Variants in USP7 observed in about 807,000 individuals in gnomAD.
USP7 encodes ubiquitin C-terminal hydrolase 7.
A neutral mutation model predicts 162.9 loss-of-function variants in USP7; 9 were observed. That is an observed-to-expected ratio of 0.06 (90% confidence interval 0.03 to 0.10). USP7 has a LOEUF of 0.10. USP7 is among the 10% of genes least tolerant of loss of function. The pLI, the probability that USP7 is intolerant of heterozygous loss-of-function variation, is 1.00. For missense variants in USP7, 715 were observed against 1,373.7 expected (o/e 0.52, Z 7.58); for synonymous variants, 562 against 475.9 (o/e 1.18, Z -2.35).
At chr16:8,947,753 G>A (rs1449753105) in intron 1 of USP7, among the ~76,000 whole-genome samples, 1 of 152,132 alleles carries the variant, frequency 6.6e-6, no homozygotes, top group Non-Finnish European at 1.5e-5. Context: ...ACTTCGACAG[G>A]ATCCTGCCAT....
chr16:8,938,536 C>A (rs1014138997), intron 1 of USP7, among the ~76,000 whole-genome samples: 10 of 151,892 alleles, frequency 6.6e-5, no homozygotes, highest in African/African-American at 2.2e-4. Flanking sequence ...CACGGTGAAA[C>A]GCCGTCTCTA....
At chr16:8,911,895 T>C (rs750796767) in intron 10 of USP7, among the ~76,000 whole-genome samples, 1 of 152,178 alleles carries the variant, frequency 6.6e-6, no homozygotes, top group Non-Finnish European at 1.5e-5. Context: ...CACGACAGGC[T>C]GGGAAGTCTG....
At chr16:8,898,708 G>C in intron 23 of USP7, 69 bp from the exon 24 acceptor site, 1 of 1,308,652 alleles carries the variant, frequency 7.6e-7, no homozygotes, top group Non-Finnish European at 1.0e-6. Flanking sequence ...CTGTGAGTGA[G>C]CATAAAAGCA....
chr16:8,940,805 A>G (rs1376374086), intron 1 of USP7, among the ~76,000 whole-genome samples: 2 of 152,180 alleles, frequency 1.3e-5, no homozygotes, highest in Non-Finnish European at 2.9e-5. Context: ...TTAGCCGGAC[A>G]TGGTGGCGCA....
At chr16:8,898,787 C>A (rs540159157) in intron 23 of USP7, 148 bp from the exon 24 acceptor site, 56 of 659,038 alleles carry the variant, frequency 8.5e-5, no homozygotes, top group Non-Finnish European at 1.2e-4. Context: ...ACTCCTGTTT[C>A]CCAAGAACTA....
In USP7 at chr16:8,908,632, CTTTG is replaced by C. The variant is rs202027586; in HGVS notation, c.1162-186_1162-183del. ...TTTCTTTAGGTCTGTTTATGGGTCT[CTTTG>C]TTTATTAAAATAATGCTGCACCAGC... On this transcript the variant is annotated intron_variant, in intron 11 of 30. Transcript: ENST00000344836. Among the ~76,000 whole-genome samples, 805 of 152,278 alleles carry C rather than the reference CTTTG, an allele frequency of 5.3e-3. 8 individuals carry two copies. The highest frequency in any genetic ancestry group is 0.018 in the African/African-American group (749 of 41,556).
chr16:8,908,301 T>C (rs770536551), intron 12 of USP7, 40 bp downstream of exon 12: 4 of 1,510,888 alleles, frequency 2.6e-6, no homozygotes, highest in East Asian at 2.3e-5. Flanking sequence ...TAGACCAGCA[T>C]GATGATGAAA....
chr16:8,925,469 T>C (rs1596384518), intron 2 of USP7, among the ~76,000 whole-genome samples: 1 of 152,212 alleles, frequency 6.6e-6, no homozygotes, highest in Non-Finnish European at 1.5e-5. Context: ...CTTTACAGGG[T>C]TTGATTTTAT....
In USP7 at chr16:8,897,310, G is replaced by A. The variant is rs148921696; in HGVS notation, c.2719-211C>T. On this transcript the variant is annotated intron_variant, in intron 25 of 30. Transcript: ENST00000344836. ...AATCTAGGACCAACCAAATACTGAC[G>A]GGAGGTTAACAAAAGTGGCCTTGAT... 7.9e-4 allele frequency: 408 copies of A among 517,600 alleles called. 1 individual carries two copies. Among genetic ancestry groups the A allele is most frequent in the Non-Finnish European group, 5.8e-4 (169 of 291,974 alleles). 32.1% of individuals were successfully genotyped at this position (517,600 alleles called of 1,614,324 possible).
chr16:8,907,235 G>T (rs1444775964), intron 12 of USP7, among the ~76,000 whole-genome samples: 1 of 152,192 alleles, frequency 6.6e-6, no homozygotes, highest in East Asian at 1.9e-4. Flanking sequence ...AAAAATGTCT[G>T]CCACTGGCTC....
intron 2 of USP7, among the ~76,000 whole-genome samples, chr16:8,926,929 C>A (rs1334442411): frequency 1.3e-5 from 2 of 152,220 alleles, no homozygotes; most frequent in Non-Finnish European, 2.9e-5. Context: ...GGGACAATTA[C>A]CTACAGCACG....
intron 15 of USP7, 144 bp downstream of exon 15, chr16:8,904,291 G>A: frequency 2.1e-6 from 3 of 1,422,576 alleles, no homozygotes; most frequent in Non-Finnish European, 2.8e-6. Context: ...AGTGGGGACT[G>A]ACCTGCACTT....
chr16:8,920,206 T>C (rs1163882658), intron 5 of USP7, among the ~76,000 whole-genome samples, 153 bp downstream of exon 5: 1 of 152,172 alleles, frequency 6.6e-6, no homozygotes, highest in Admixed American at 6.5e-5. Flanking sequence ...GTTAAACGAG[T>C]GTCAAGCAGG....
rs2061642906 is a variant in USP7 at position 8,893,946 on chromosome 16, G to A, written c.*52C>T. 1 of 1,553,926 alleles carries A rather than the reference G, an allele frequency of 6.4e-7. No homozygotes were observed. The highest frequency in any genetic ancestry group is 8.9e-7 in the Non-Finnish European group (1 of 1,125,110). The stretch of plus-strand genomic sequence containing the variant: ...GGCACGTGCACCAAAGTTCTAGGCT[G>A]TTAAGGGGCCACCCACACACCGTCC... On this transcript the variant is annotated 3_prime_UTR_variant, in exon 31 of 31. Transcript: ENST00000344836.
chr16:8,950,813 C>T (rs2141261262), intron 1 of USP7, among the ~76,000 whole-genome samples: 1 of 152,338 alleles, frequency 6.6e-6, no homozygotes, highest in South Asian at 2.1e-4. Flanking sequence ...CAGCGCACGA[C>T]AGTGATCTGA....
At chr16:8,916,216 T>G (rs1897361439) in intron 8 of USP7, among the ~76,000 whole-genome samples, 1 of 152,200 alleles carries the variant, frequency 6.6e-6, no homozygotes. Flanking sequence ...CAGTCTTTGG[T>G]TTCTGGATTA....
intron 1 of USP7, among the ~76,000 whole-genome samples, chr16:8,947,071 C>T (rs1899316828): frequency 6.6e-6 from 1 of 152,112 alleles, no homozygotes; most frequent in Non-Finnish European, 1.5e-5. Flanking sequence ...TTCAAAAAGG[C>T]TACTAAAGCA....
intron 20 of USP7, 99 bp from the exon 21 acceptor site, chr16:8,900,729 A>G (rs185555833): frequency 8.1e-5 from 68 of 844,352 alleles, no homozygotes; most frequent in Admixed American, 1.5e-4. Flanking sequence ...TCTACACCCA[A>G]TTCTATCCAC....
intron 27 of USP7, 151 bp from the exon 28 acceptor site, chr16:8,895,301 A>T: frequency 1.6e-6 from 2 of 1,259,408 alleles, no homozygotes; most frequent in Non-Finnish European, 2.2e-6. Context: ...AGTGATGGGC[A>T]CTCATGGGAG....
Sources: gnomAD v4.1 joint callset for allele counts (sites outside exome capture counted in the v4.1 genomes callset) on GRCh38, gnomAD v4.1.1 for gene constraint, MANE v1.5 for transcripts, NCBI Gene and HGNC (gene_info 2026-07-23, HGNC 2026-07-21) for gene names.